VPS36: variants seen among roughly 807,000 people sequenced by gnomAD.
The protein encoded by VPS36 is vacuolar protein-sorting-associated protein 36.
In VPS36, 31 loss-of-function variants were observed where a neutral mutation model predicts 63.5. That is an observed-to-expected ratio of 0.49 (90% CI 0.37 to 0.66). The LOEUF (loss-of-function observed/expected upper bound fraction) is 0.66, where lower values mean the gene tolerates loss of function less well. Ranked by LOEUF, VPS36 falls within the 30% of genes least tolerant of loss-of-function variation. VPS36 has a pLI of 0.00. For synonymous variants in VPS36, 138 were observed against 157.2 expected (o/e 0.88, Z 0.91); for missense variants, 338 against 463.7 (o/e 0.73, Z 2.49).
chr13:52,449,618 ACTT>A (rs749746204), intron 1 of VPS36, among the ~76,000 whole-genome samples: 19 of 152,306 alleles, frequency 1.2e-4, no homozygotes, highest in Middle Eastern at 3.4e-3. Context: ...GCAAATTAAA[ACTT>A]CTGGAAACCA....
chr13:52,427,706 C>T (rs796972110), intron 6 of VPS36, among the ~76,000 whole-genome samples: 7 of 152,060 alleles, frequency 4.6e-5, no homozygotes, highest in African/African-American at 1.7e-4. Context: ...TTCATTTTAG[C>T]TAAAAAACCA....
chr13:52,422,687 T>C (rs1304018741), intron 10 of VPS36, among the ~76,000 whole-genome samples: 1 of 152,240 alleles, frequency 6.6e-6, no homozygotes, highest in Non-Finnish European at 1.5e-5. Context: ...TTGTTAAGGA[T>C]AATAGCTTCC....
At chr13:52,429,465 C>G (rs1300818767) in intron 6 of VPS36, 1 of 168,304 alleles carries the variant, frequency 5.9e-6, no homozygotes, top group Non-Finnish European at 1.2e-5. Context: ...GTTATACACC[C>G]CTGCTGCAGC....
At position 52,415,856 on chromosome 13, in the gene VPS36, G is replaced by A. The variant is rs762009281; in HGVS notation, c.1135C>T (p.Pro379Ser). The change falls in exon 14 of 14, where the codon CCA becomes TCA. Residue 379 changes from proline to serine, a missense_variant. Physicochemically the swap from Pro to Ser is moderately conservative, Grantham distance 74 (BLOSUM62 -1). Transcript: ENST00000378060. ...DDSVEGLRFY[P>S]NLFMTQS is the part of the protein sequence containing the mutation. The stretch of plus-strand genomic sequence containing the variant: ...TAGCTCTGTGTCATAAATAAATTTG[G>A]GTAAAAACGCAGGCCTTCCACTGAG... 6.2e-7 allele frequency: 1 copy of A among 1,613,908 alleles called. No individual in the cohort carries two copies. Among genetic ancestry groups the A allele is most frequent in the East Asian group, 2.2e-5 (1 of 44,866 alleles).
At chr13:52,429,327 T>C (rs1958133309) in intron 6 of VPS36, 1 of 981,544 alleles carries the variant, frequency 1.0e-6, no homozygotes, top group Non-Finnish European at 1.2e-6. Flanking sequence ...GCATATTCCA[T>C]TCCCTTTTCC....
intron 10 of VPS36, among the ~76,000 whole-genome samples, chr13:52,421,521 GTT>G (rs545997400): frequency 8.5e-5 from 11 of 130,040 alleles, no homozygotes; most frequent in African/African-American, 1.1e-4. Flanking sequence ...TTCTGAGTAG[GTT>G]TTTTTTTTTT....
chr13:52,435,911 G>A (rs1958210457), intron 4 of VPS36: 1 of 165,044 alleles, frequency 6.1e-6, no homozygotes, highest in African/African-American at 2.4e-5. Flanking sequence ...CAGACAGCCT[G>A]ATTTAAAGCT....
At chr13:52,439,260 A>G (rs61959661) in intron 2 of VPS36, 92 bp from the exon 3 acceptor site, 42,468 of 920,472 alleles carry the variant, frequency 0.046, 1,167 homozygotes, top group South Asian at 0.074. Flanking sequence ...ACAGTGCCAT[A>G]TGCCTTAATA....
chr13:52,427,672 A>G (rs191404825), intron 6 of VPS36, among the ~76,000 whole-genome samples: 2 of 152,298 alleles, frequency 1.3e-5, no homozygotes, highest in Admixed American at 1.3e-4. Flanking sequence ...TTATATAAAT[A>G]ATAAATCTAC....
rs531444003 is a variant in VPS36 at position 52,426,285 on chromosome 13, T to G, written c.640-219A>C. Among the ~76,000 whole-genome samples the G allele has an allele frequency of 3.9e-5, 6 of 152,308 alleles. No homozygotes were observed. The East Asian group carries it at 1.2e-3, about 29-fold the overall frequency. ...TCTCTCCTGGTCTCTCATATTCTGT[T>G]TACTTCATAAGTTTGATGTGAAAGG... On this transcript the variant is annotated intron_variant, in intron 8 of 13. Coordinates refer to ENST00000378060, the MANE Select transcript of VPS36 (RefSeq NM_016075.4).
intron 1 of VPS36, 125 bp from the exon 2 acceptor site, chr13:52,442,570 C>A: frequency 1.3e-6 from 1 of 761,498 alleles, no homozygotes; most frequent in Non-Finnish European, 2.0e-6. Context: ...TTAGAATAGG[C>A]TTATCACAAA....
chr13:52,416,923 C>A, intron 12 of VPS36, 134 bp downstream of exon 12: 1 of 716,018 alleles, frequency 1.4e-6, no homozygotes, highest in South Asian at 2.1e-5. Flanking sequence ...AGTGATAAAC[C>A]ATTTTTATTT....
chr13:52,426,783 A>G (rs991894197), intron 8 of VPS36, among the ~76,000 whole-genome samples: 6 of 152,132 alleles, frequency 3.9e-5, no homozygotes, highest in Non-Finnish European at 8.8e-5. Flanking sequence ...TGAACCCGGG[A>G]GGCGGATGTT....
In VPS36 at chr13:52,426,454, T is replaced by G. The variant is rs141670176; in HGVS notation, c.640-388A>C. ...GTATAAAACAGCCACTCCTTGTACATTTCAGTATTTCTGTTTTCTACACTC... is the reference window on the plus strand; with the variant it reads ...GTATAAAACAGCCACTCCTTGTACAGTTCAGTATTTCTGTTTTCTACACTC... On this transcript the variant is annotated intron_variant, in intron 8 of 13. Coordinates refer to ENST00000378060, the MANE Select transcript of VPS36 (RefSeq NM_016075.4). 3.7e-3 allele frequency among the ~76,000 whole-genome samples: 560 copies of G among 152,344 alleles called. 2 individuals carry two copies. The highest frequency in any genetic ancestry group is 0.012 in the African/African-American group (502 of 41,580).
At position 52,427,353 on chromosome 13, in the gene VPS36, C is replaced by T. The variant is rs182549740; in HGVS notation, c.529-134G>A. The stretch of plus-strand genomic sequence containing the variant: ...GGGCGCAGTGGCTCACGCCTATAAT[C>T]CCAGCACTCTGGGAGGCCGAGGCAG... On this transcript the variant is annotated intron_variant, in intron 6 of 13. Transcript: ENST00000378060. 1.9e-4 allele frequency: 155 copies of T among 829,110 alleles called. 1 individual carries two copies. The East Asian group carries it at 4.0e-3, about 21-fold the overall frequency. 51.4% of individuals were successfully genotyped at this position (829,110 alleles called of 1,614,324 possible).
At chr13:52,428,685 A>T (rs1958127235) in intron 6 of VPS36, among the ~76,000 whole-genome samples, 1 of 152,236 alleles carries the variant, frequency 6.6e-6, no homozygotes. Flanking sequence ...CAAAAATAAA[A>T]CACACATTTT....
intron 6 of VPS36, among the ~76,000 whole-genome samples, chr13:52,431,774 A>T (rs1418551319): frequency 6.7e-6 from 1 of 149,956 alleles, no homozygotes; most frequent in Non-Finnish European, 1.5e-5. Flanking sequence ...AAAAAAAAAA[A>T]AAAAAAAAGA....
chr13:52,423,970 GCCT>G (rs1377294804), intron 9 of VPS36, among the ~76,000 whole-genome samples: 1 of 152,018 alleles, frequency 6.6e-6, no homozygotes, highest in Non-Finnish European at 1.5e-5. Context: ...CAATTCTCCT[GCCT>G]CAGCCTCCTG....
chr13:52,442,482 A>G, intron 1 of VPS36, 37 bp from the exon 2 acceptor site: 1 of 1,569,608 alleles, frequency 6.4e-7, no homozygotes, highest in South Asian at 1.2e-5. Context: ...TTAATAACAT[A>G]TCACTCATTG....
Sources: gnomAD v4.1 joint callset for allele counts (sites outside exome capture counted in the v4.1 genomes callset) on GRCh38, gnomAD v4.1.1 for gene constraint, MANE v1.5 for transcripts, NCBI Gene and HGNC (gene_info 2026-07-23, HGNC 2026-07-21) for gene names.